SLC44A5: variants seen among roughly 807,000 people sequenced by gnomAD.
The protein encoded by SLC44A5 is choline transporter-like protein 5.
SLC44A5 carries 57 observed loss-of-function variants against 101.8 expected under a neutral mutation model. That is an observed-to-expected ratio of 0.56 (90% CI 0.45 to 0.70). The LOEUF (loss-of-function observed/expected upper bound fraction) is 0.70. Ranked by LOEUF, SLC44A5 falls within the 30% of genes least tolerant of loss-of-function variation. The pLI, the probability that SLC44A5 is intolerant of heterozygous loss-of-function variation, is 0.00. For synonymous variants in SLC44A5, 281 were observed against 290.9 expected (o/e 0.97, Z 0.35); for missense variants, 737 against 853.1 (o/e 0.86, Z 1.70).
intron 1 of SLC44A5, among the ~76,000 whole-genome samples, chr1:75,559,788 T>C (rs1243057001): frequency 6.6e-6 from 1 of 152,014 alleles, no homozygotes; most frequent in African/African-American, 2.4e-5. Flanking sequence ...AAGTCATATA[T>C]CTAAAAAGAG....
intron 3 of SLC44A5, among the ~76,000 whole-genome samples, chr1:75,352,013 T>A (rs1658714388): frequency 6.6e-6 from 1 of 151,894 alleles, no homozygotes. Context: ...CAAAAGAACC[T>A]TGAAGCAAAA....
chr1:75,338,064 C>A (rs538581629), intron 4 of SLC44A5, among the ~76,000 whole-genome samples: 1 of 152,258 alleles, frequency 6.6e-6, no homozygotes, highest in African/African-American at 2.4e-5. Context: ...TACAAATAGG[C>A]CAACTATGTC....
rs1655107989 is a variant in SLC44A5, at chr1:75,309,045, T to A, written c.102-8360A>T. Among the ~76,000 whole-genome samples, 3 of 152,314 alleles carry A rather than the reference T, an allele frequency of 2.0e-5. No individual in the cohort carries two copies. The South Asian group carries it at 6.2e-4, about 32-fold the overall frequency. Reference sequence around the variant, plus strand: ...TTTTTAGTAATTTATACCATGGGCATAATTATAGATGTAGTAAAAATTTAT... The same window carrying A: ...TTTTTAGTAATTTATACCATGGGCAAAATTATAGATGTAGTAAAAATTTAT... On this transcript the variant is annotated intron_variant, in intron 4 of 23. Transcript: ENST00000370859.
upstream of SLC44A5, among the ~76,000 whole-genome samples, chr1:75,613,287 A>G (rs1675735676): frequency 1.3e-5 from 2 of 152,226 alleles, no homozygotes; most frequent in African/African-American, 4.8e-5. Flanking sequence ...CCCTGCCAAT[A>G]AAGCCTAGAA....
chr1:75,523,152 T>C (rs889543404), intron 2 of SLC44A5, among the ~76,000 whole-genome samples: 2 of 152,172 alleles, frequency 1.3e-5, no homozygotes, highest in African/African-American at 4.8e-5. Context: ...AAGAACTCAC[T>C]GAAGAGAAAA....
intron 2 of SLC44A5, among the ~76,000 whole-genome samples, chr1:75,461,950 C>G (rs1308247107): frequency 6.6e-6 from 1 of 152,200 alleles, no homozygotes; most frequent in African/African-American, 2.4e-5. Flanking sequence ...CTCCTGGGTC[C>G]TGGAGAAAAT....
intron 5 of SLC44A5, among the ~76,000 whole-genome samples, chr1:75,281,643 C>G (rs1041196336): frequency 3.7e-5 from 4 of 106,820 alleles, no homozygotes; most frequent in Admixed American, 1.8e-4. Flanking sequence ...CAGGCCCCCC[C>G]CCCCCCCCGC....
chr1:75,439,886 C>A (rs956155850), intron 2 of SLC44A5, among the ~76,000 whole-genome samples: 1 of 151,932 alleles, frequency 6.6e-6, no homozygotes, highest in South Asian at 2.1e-4. Flanking sequence ...CTAAGACACA[C>A]TATAATAAAA....
At chr1:75,364,270 C>A (rs1214913579) in intron 3 of SLC44A5, among the ~76,000 whole-genome samples, 1 of 152,046 alleles carries the variant, frequency 6.6e-6, no homozygotes, top group Non-Finnish European at 1.5e-5. Context: ...GCAGGCTGTA[C>A]AGGAATCATG....
chr1:75,574,178 A>T (rs1477936953), intron 1 of SLC44A5, among the ~76,000 whole-genome samples: 1 of 152,226 alleles, frequency 6.6e-6, no homozygotes, highest in Admixed American at 6.5e-5. Flanking sequence ...CCTGTGGCTT[A>T]TCCTATTAAG....
Position 75,203,794 on chromosome 1 carries a change from G to A in SLC44A5, c.2087C>T (p.Pro696Leu). 1 of 1,549,808 alleles carries A rather than the reference G, an allele frequency of 6.5e-7. No individual in the cohort carries two copies. Among genetic ancestry groups the A allele is most frequent in the Non-Finnish European group, 8.7e-7 (1 of 1,146,088 alleles). The change falls in exon 24 of 24, where the codon CCT (proline) becomes CTT (leucine). Residue 696 changes from proline to leucine, a missense_variant. Physicochemically the swap from Pro to Leu is moderately conservative, Grantham distance 98. Coordinates refer to ENST00000370859, the MANE Select transcript of SLC44A5 (RefSeq NM_001130058.2). Reference sequence around the variant, plus strand: ...CAGCAAAGGTTGACTCACATAATAAGGTCTTGCAGTAGAACCATCATTTCT... The same window carrying A: ...CAGCAAAGGTTGACTCACATAATAAAGTCTTGCAGTAGAACCATCATTTCT... ...LERNDGSTAR[P>L]YYVSQPLLKI...
chr1:75,477,945 A>G (rs1033048607), intron 2 of SLC44A5, among the ~76,000 whole-genome samples: 1 of 152,034 alleles, frequency 6.6e-6, no homozygotes, highest in Non-Finnish European at 1.5e-5. Flanking sequence ...CAAGACACAT[A>G]ATTGTCAGAT....
intron 2 of SLC44A5, among the ~76,000 whole-genome samples, chr1:75,495,739 T>C (rs1668637437): frequency 6.6e-6 from 1 of 151,970 alleles, no homozygotes; most frequent in Non-Finnish European, 1.5e-5. Context: ...CTTAAGGTAA[T>C]TGTAAAACAC....
At chr1:75,446,760 TA>T in intron 2 of SLC44A5, among the ~76,000 whole-genome samples, 1 of 152,282 alleles carries the variant, frequency 6.6e-6, no homozygotes, top group South Asian at 2.1e-4. Context: ...TTCTATTTGG[TA>T]AATCTGTCTT....
intron 4 of SLC44A5, among the ~76,000 whole-genome samples, chr1:75,331,529 C>G (rs1657055427): frequency 6.6e-6 from 1 of 152,184 alleles, no homozygotes; most frequent in African/African-American, 2.4e-5. Context: ...TTCACTTATA[C>G]AACTGCAAAA....
chr1:75,441,982 C>G (rs1471115967), intron 2 of SLC44A5, among the ~76,000 whole-genome samples: 4 of 152,046 alleles, frequency 2.6e-5, no homozygotes, highest in Admixed American at 2.0e-4. Flanking sequence ...AATGGGTGAA[C>G]ACATATTCTT....
chr1:75,560,939 A>G (rs1672484229), intron 1 of SLC44A5, among the ~76,000 whole-genome samples: 1 of 152,172 alleles, frequency 6.6e-6, no homozygotes, highest in African/African-American at 2.4e-5. Flanking sequence ...TATGTACCTC[A>G]TCCTATTTAG....
intron 3 of SLC44A5, among the ~76,000 whole-genome samples, chr1:75,368,302 C>G (rs1343552896): frequency 6.6e-6 from 1 of 152,122 alleles, no homozygotes; most frequent in Non-Finnish European, 1.5e-5. Context: ...GTTTCTAGAA[C>G]CTTTCCCTTA....
chr1:75,538,911 C>A (rs929532679), intron 2 of SLC44A5, among the ~76,000 whole-genome samples: 5 of 152,106 alleles, frequency 3.3e-5, no homozygotes, highest in African/African-American at 4.8e-5. Flanking sequence ...CCCCTCCATG[C>A]CCCAGTCACA....
Sources: gnomAD v4.1 joint callset for allele counts (sites outside exome capture counted in the v4.1 genomes callset) on GRCh38, gnomAD v4.1.1 for gene constraint, MANE v1.5 for transcripts, NCBI Gene and HGNC (gene_info 2026-07-23, HGNC 2026-07-21) for gene names.